The following ABCA3 variants were observed in gnomAD, a reference collection of about 807,000 sequenced individuals.
ABCA3 encodes phospholipid-transporting ATPase ABCA3.
A neutral mutation model predicts 172.8 loss-of-function variants in ABCA3; 88 were observed. The observed-to-expected ratio is 0.51, with a 90% confidence interval of 0.43 to 0.61. ABCA3 has a LOEUF of 0.61. Among genes scored for constraint, ABCA3 ranks in the 20% least tolerant of loss-of-function variants. The pLI, the probability that ABCA3 is intolerant of heterozygous loss-of-function variation, is 0.00. For missense variants in ABCA3, 2,164 were observed against 2,301.0 expected (o/e 0.94, Z 1.22); for synonymous variants, 1,066 against 983.8 (o/e 1.08, Z -1.56).
chr16:2,284,964 G>A lies in ABCA3; in HGVS notation c.3518C>T (p.Thr1173Met), dbSNP rs117360590. 5.5e-5 allele frequency: 89 copies of A among 1,613,746 alleles called. No homozygotes were observed. Among genetic ancestry groups the A allele is most frequent in the Middle Eastern group, 3.3e-4 (2 of 6,000 alleles). ...GGTGTCAGCCATGTGGCCGTCCCGC[G>A]TGAAGGCACGCACGTCGAAGGCCTT... Reference protein sequence around the residue: ...VFKAFDVRAFTRDGHMADTLL... With the variant: ...VFKAFDVRAFMRDGHMADTLL... Residue 1173 changes from threonine to methionine, a missense_variant, in exon 24 of 33, where the codon ACG (threonine) becomes ATG (methionine). By Grantham distance (81) the Thr-to-Met change is moderately conservative. This residue lies in a region of ABCA3 where 795 missense variants were observed against 881.9 expected (regional missense o/e 0.90). Transcript: ENST00000301732. This position sits in a 1 kb window ranked among gnomAD's most constrained non-coding sequence, Gnocchi z 5.9.
At chr16:2,337,207 G>T (rs1056759307) in intron 1 of ABCA3, among the ~76,000 whole-genome samples, 9 of 151,642 alleles carry the variant, frequency 5.9e-5, no homozygotes, top group Non-Finnish European at 1.2e-4. Context: ...GAGCCACCAT[G>T]TCTGTCTGGC....
chr16:2,297,901 C>T lies in ABCA3; in HGVS notation c.1917G>A (p.Gln639=). ...TCTGCTTGACTTCTTCAGGGCACTT[C>T]TGACGTGACAGGCCCTTCAGCTGCA... ...FYAQLKGLSR[Q]KCPEEVKQML... Residue 639 remains glutamine (Q), a synonymous_variant, in exon 16 of 33, where the codon CAG becomes CAA. Coordinates refer to ENST00000301732, the MANE Select transcript of ABCA3 (RefSeq NM_001089.3). The surrounding 1 kb of genome is among the most constrained non-coding windows in gnomAD (Gnocchi z 5.6). The T allele has an allele frequency of 1.2e-6, 2 of 1,613,774 alleles. No homozygotes were observed. The highest frequency in any genetic ancestry group is 1.7e-6 in the Non-Finnish European group (2 of 1,180,044).
Position 2,285,432 on chromosome 16 carries a change from C to A in ABCA3, c.3483+10G>T. The A allele has an allele frequency of 6.2e-7, 1 of 1,602,178 alleles. No individual in the cohort carries two copies. The highest frequency in any genetic ancestry group is 8.5e-7 in the Non-Finnish European group (1 of 1,174,616). ...GCAGGGGAACGGATCCAGCACCCTC[C>A]GGCGCTCACCAGCAGCAGCAGACTG... On this transcript the variant is annotated intron_variant, in intron 23 of 32. Transcript: ENST00000301732. This position sits in a 1 kb window ranked among gnomAD's most constrained non-coding sequence, Gnocchi z 4.7.
Position 2,278,517 on chromosome 16 carries a change from T to A in ABCA3, c.4548-59A>T. ...GGCTGAGAGTTAGCATTGGCTCCCA[T>A]GTCCCAGTGGAGGCCCGTGTCCCAG... On this transcript the variant is annotated intron_variant, in intron 29 of 32. Coordinates refer to ENST00000301732, the MANE Select transcript of ABCA3 (RefSeq NM_001089.3). The surrounding 1 kb of genome is among the most constrained non-coding windows in gnomAD (Gnocchi z 4.4). 6.3e-7 allele frequency: 1 copy of A among 1,592,848 alleles called. No homozygotes were observed. The highest frequency in any genetic ancestry group is 8.5e-7 in the Non-Finnish European group (1 of 1,172,430).
chr16:2,318,501 C>T (rs1238876525), intron 8 of ABCA3, among the ~76,000 whole-genome samples: 1 of 151,666 alleles, frequency 6.6e-6, no homozygotes, highest in Non-Finnish European at 1.5e-5. Context: ...ATTTCTTTTT[C>T]TTTCTTTTTC....
At chr16:2,300,206 C>A in intron 12 of ABCA3, 58 bp from the exon 13 acceptor site, 2 of 1,608,598 alleles carry the variant, frequency 1.2e-6, no homozygotes, top group Non-Finnish European at 1.7e-6. Flanking sequence ...AAAGCAACAA[C>A]CAGCAGACAC....
intron 1 of ABCA3, among the ~76,000 whole-genome samples, chr16:2,331,974 A>G (rs988716579): frequency 1.3e-5 from 2 of 152,178 alleles, no homozygotes; most frequent in Non-Finnish European, 2.9e-5. Context: ...TACTGTTAAA[A>G]TATTAAACAT....
Position 2,286,760 on chromosome 16 carries a change from G to C in ABCA3, c.3212C>G (p.Ser1071Cys). 1 of 1,614,026 alleles carries C rather than the reference G, an allele frequency of 6.2e-7. No individual in the cohort carries two copies. The highest frequency in any genetic ancestry group is 8.5e-7 in the Non-Finnish European group (1 of 1,179,984). Residue 1071 changes from serine to cysteine, a missense_variant, in exon 22 of 33, where the codon TCC becomes TGC. Around this residue, in one of 3 missense-constraint regions of ABCA3, gnomAD observed 795 missense variants for 881.9 expected, o/e 0.90. Transcript: ENST00000301732. The surrounding 1 kb of genome is among the most constrained non-coding windows in gnomAD (Gnocchi z 5.2). ...CTGGGGGAAGTTGGAGACCACAATG[G>C]AGGCGTGAGGCCCGCACAGCAGCTT... ...LFKLLCGPHA[S>C]IVVSNFPQPR...
chr16:2,323,962 GGCC>G (rs1026318711), intron 6 of ABCA3, among the ~76,000 whole-genome samples: 1 of 152,096 alleles, frequency 6.6e-6, no homozygotes, highest in African/African-American at 2.4e-5. Flanking sequence ...ATCCCTGGAG[GGCC>G]GCCAACCACA....
rs752321257 is a variant in ABCA3 at position 2,279,228 on chromosome 16, G to T, written c.4360-98C>A. On this transcript the variant is annotated intron_variant, in intron 28 of 32. Transcript: ENST00000301732. This position sits in a 1 kb window ranked among gnomAD's most constrained non-coding sequence, Gnocchi z 4.4. ...CTACCCTTGAGGTGCCCACCACTGC[G>T]CCTGTCTGTGGTTCCTGCCAGTGTG... The T allele has an allele frequency of 1.4e-6, 2 of 1,387,098 alleles. No individual in the cohort carries two copies. The highest frequency in any genetic ancestry group is 3.8e-5 in the Admixed American group (2 of 52,792). 85.9% of individuals were successfully genotyped at this position (1,387,098 alleles called of 1,614,324 possible). A position where few individuals can be genotyped will look rare whatever the true frequency, so the allele number is the denominator to read the frequency against.
intron 12 of ABCA3, among the ~76,000 whole-genome samples, chr16:2,301,139 G>A (rs2093688668): frequency 1.3e-5 from 2 of 150,376 alleles, no homozygotes; most frequent in South Asian, 2.1e-4. Context: ...GCTGAGGCAG[G>A]AGAATGGCGT....
intron 10 of ABCA3, among the ~76,000 whole-genome samples, chr16:2,315,558 T>C (rs928402151): frequency 4.2e-5 from 5 of 119,850 alleles, no homozygotes; most frequent in Non-Finnish European, 7.4e-5. Flanking sequence ...AAAGATGTGC[T>C]TCAACACAGA....
Position 2,284,268 on chromosome 16 carries a change from G to T in ABCA3, c.3862+11C>A. 6.2e-7 allele frequency: 1 copy of T among 1,611,618 alleles called. No homozygotes were observed. The highest frequency in any genetic ancestry group is 8.5e-7 in the Non-Finnish European group (1 of 1,178,440). ...AGGGGTGCTGCCCGGGGTCGGGGCTGGGACACTCACTATATTTCTTGCAGT... is the reference window on the plus strand; with the variant it reads ...AGGGGTGCTGCCCGGGGTCGGGGCTTGGACACTCACTATATTTCTTGCAGT... On this transcript the variant is annotated intron_variant, in intron 25 of 32. Coordinates refer to ENST00000301732, the MANE Select transcript of ABCA3 (RefSeq NM_001089.3). The surrounding 1 kb of genome is among the most constrained non-coding windows in gnomAD (Gnocchi z 5.9).
In ABCA3 at chr16:2,288,221, C is replaced by G; in HGVS notation, c.2809G>C (p.Val937Leu). 6.3e-7 allele frequency: 1 copy of G among 1,597,904 alleles called. No individual in the cohort carries two copies. The highest frequency in any genetic ancestry group is 1.1e-5 in the South Asian group (1 of 88,656). Residue 937 changes from valine (V) to leucine (L), a missense_variant, in exon 21 of 33, where the codon GTC becomes CTC. Val to Leu is a conservative substitution (Grantham distance 32, BLOSUM62 1). Transcript: ENST00000301732. ...AAQVLVPLTC[V>L]TLALLAINYS... is the part of the protein sequence containing the mutation. ...TTGATGGCCAGGAGGGCCAGGGTGA[C>G]GCAGGTCAGAGGCACCAGGACCTGT...
At chr16:2,290,873 TTTTC>T (rs1212113946) in intron 19 of ABCA3, among the ~76,000 whole-genome samples, 1 of 152,160 alleles carries the variant, frequency 6.6e-6, no homozygotes, top group Non-Finnish European at 1.5e-5. Context: ...TCTCACGTTT[TTTTC>T]TTTTTCTTTT....
At position 2,326,457 on chromosome 16, in the gene ABCA3, G is replaced by A. The variant is rs748559393; in HGVS notation, c.10C>T (p.Leu4Phe). The A allele has an allele frequency of 6.2e-6, 10 of 1,611,752 alleles. No homozygotes were observed. Among genetic ancestry groups the A allele is most frequent in the African/African-American group, 4.0e-5 (3 of 74,890 alleles). ...CAGAGGAGGAGCGCCAGCTGCCTGA[G>A]CACAGCCATCGTCTTGCTGAAAGGG... is the stretch of plus-strand genomic sequence containing the variant. Reference protein sequence around the residue: MAVLRQLALLLWKN... With the variant: MAVFRQLALLLWKN... Residue 4 changes from leucine to phenylalanine, a missense_variant, in exon 4 of 33, where the codon CTC (leucine) becomes TTC (phenylalanine). Physicochemically the swap from Leu to Phe is conservative, Grantham distance 22 (BLOSUM62 0). Around this residue, in one of 3 missense-constraint regions of ABCA3, gnomAD observed 1,343 missense variants for 1,369.6 expected, o/e 0.98. Transcript: ENST00000301732.
rs770315509 is a variant in ABCA3, at chr16:2,284,965, T to C, written c.3517A>G (p.Thr1173Ala). ...GTGTCAGCCATGTGGCCGTCCCGCG[T>C]GAAGGCACGCACGTCGAAGGCCTTA... is the stretch of plus-strand genomic sequence containing the variant. ...VFKAFDVRAFTRDGHMADTLL... is the reference protein window; with the variant it reads ...VFKAFDVRAFARDGHMADTLL... The change falls in exon 24 of 33, where the codon ACG becomes GCG. Residue 1173 changes from threonine to alanine, a missense_variant. Thr to Ala is a moderately conservative substitution (Grantham distance 58). Transcript: ENST00000301732. The surrounding 1 kb of genome is among the most constrained non-coding windows in gnomAD (Gnocchi z 5.9). The C allele has an allele frequency of 1.2e-6, 2 of 1,613,454 alleles. No homozygotes were observed. Among genetic ancestry groups the C allele is most frequent in the Non-Finnish European group, 1.7e-6 (2 of 1,179,974 alleles).
At chr16:2,318,517 T>C (rs2093720279) in intron 8 of ABCA3, among the ~76,000 whole-genome samples, 2 of 152,144 alleles carry the variant, frequency 1.3e-5, no homozygotes, top group African/African-American at 4.8e-5. Context: ...TTTTCTCTTT[T>C]TCTTTTTTTT....
Position 2,285,657 on chromosome 16 carries a change from C to A in ABCA3, c.3279-11G>T, listed in dbSNP as rs371406050. On this transcript the variant is annotated splice_polypyrimidine_tract_variant and intron_variant, in intron 22 of 32. Transcript: ENST00000301732. This position sits in a 1 kb window ranked among gnomAD's most constrained non-coding sequence, Gnocchi z 4.7. The stretch of plus-strand genomic sequence containing the variant: ...AATCCCTTCCGGCCCCTGCGGGGGA[C>A]AGAGAAGGTCAGGGACGGAGCACAG... 1,159 of 1,551,396 alleles carry A rather than the reference C, an allele frequency of 7.5e-4. 5 individuals are homozygous for A. The highest frequency in any genetic ancestry group is 6.4e-4 in the Non-Finnish European group (738 of 1,147,052).
Sources: gnomAD v4.1 joint callset for allele counts (sites outside exome capture counted in the v4.1 genomes callset) on GRCh38, gnomAD v4.1.1 for gene constraint, gnomAD v4.1.1 regional missense constraint, Gnocchi (gnomAD v3.1) non-coding constraint, MANE v1.5 for transcripts, NCBI Gene and HGNC (gene_info 2026-07-23, HGNC 2026-07-21) for gene names.